Variants in ASPH observed in about 807,000 individuals in gnomAD.
ASPH encodes aspartyl/asparaginyl beta-hydroxylase.
A neutral mutation model predicts 118.4 loss-of-function variants in ASPH; 100 were observed. The observed-to-expected ratio is 0.84, with a 90% CI of 0.72 to 1.00. The LOEUF (loss-of-function observed/expected upper bound fraction) is 1.00. Ranked by LOEUF, ASPH falls within the 50% of genes least tolerant of loss-of-function variation. The pLI, the probability that ASPH is intolerant of heterozygous loss-of-function variation, is 0.00. For synonymous variants in ASPH, 315 were observed against 325.6 expected (o/e 0.97, Z 0.35); for missense variants, 920 against 919.5 (o/e 1.00, Z -0.01).
intron 14 of ASPH, among the ~76,000 whole-genome samples, chr8:61,614,480 G>A (rs1373216407): frequency 6.6e-6 from 1 of 152,142 alleles, no homozygotes; most frequent in African/African-American, 2.4e-5. Context: ...AGCTTTTAAA[G>A]GTTAGAGTGA....
intron 3 of ASPH, among the ~76,000 whole-genome samples, chr8:61,655,473 ACT>A (rs1813184431): frequency 1.3e-5 from 2 of 152,172 alleles, no homozygotes; most frequent in African/African-American, 2.4e-5. Flanking sequence ...CACTGACCCC[ACT>A]TTAGCAGGCT....
chr8:61,642,937 A>G lies in ASPH; in HGVS notation c.758-17T>C, dbSNP rs759609333. ...TTACATCATCTGAAAAAAAAAAGAG[A>G]ATAAAAGCAAAATAAGTATTAACTG... On this transcript the variant is annotated splice_polypyrimidine_tract_variant and intron_variant, in intron 9 of 24. Coordinates refer to ENST00000379454, the MANE Select transcript of ASPH (RefSeq NM_004318.4). The G allele has an allele frequency of 6.4e-6, 10 of 1,557,234 alleles. No individual in the cohort carries two copies. Among genetic ancestry groups the G allele is most frequent in the Non-Finnish European group, 7.8e-6 (9 of 1,157,622 alleles).
At chr8:61,543,824 A>C (rs1398968325) in intron 21 of ASPH, among the ~76,000 whole-genome samples, 1 of 152,064 alleles carries the variant, frequency 6.6e-6, no homozygotes, top group Non-Finnish European at 1.5e-5. Context: ...TTGTTTACTG[A>C]CTTTCTGGAT....
intron 13 of ASPH, among the ~76,000 whole-genome samples, chr8:61,622,937 A>T (rs1369953986): frequency 6.6e-6 from 1 of 152,212 alleles, no homozygotes; most frequent in Non-Finnish European, 1.5e-5. Context: ...TGGGGCTAAA[A>T]ACAACCTGTT....
intron 14 of ASPH, among the ~76,000 whole-genome samples, chr8:61,601,846 A>G (rs1844086036): frequency 6.6e-6 from 1 of 151,388 alleles, no homozygotes; most frequent in Admixed American, 6.6e-5. Context: ...TATTATAAAC[A>G]ATGTTATGTC....
intron 1 of ASPH, chr8:61,689,788 A>C (rs1832081631): frequency 6.7e-7 from 1 of 1,502,078 alleles, no homozygotes; most frequent in Non-Finnish European, 8.9e-7. Context: ...CACTGCATGC[A>C]CTTGCCTACC....
intron 13 of ASPH, among the ~76,000 whole-genome samples, chr8:61,623,292 G>C (rs1851611779): frequency 1.3e-5 from 2 of 152,154 alleles, no homozygotes; most frequent in African/African-American, 2.4e-5. Context: ...TTGCATTTCT[G>C]ATGATCAAGG....
chr8:61,690,829 G>T (rs1238890150), intron 1 of ASPH, among the ~76,000 whole-genome samples: 1 of 151,898 alleles, frequency 6.6e-6, no homozygotes, highest in African/African-American at 2.4e-5. Flanking sequence ...TGAAATTCTT[G>T]TTAAAAGGAT....
At chr8:61,682,868 T>C (rs1828812343) in intron 2 of ASPH, among the ~76,000 whole-genome samples, 1 of 152,026 alleles carries the variant, frequency 6.6e-6, no homozygotes, top group Non-Finnish European at 1.5e-5. Context: ...TAGACACAAG[T>C]GTGCATTTTT....
intron 3 of ASPH, among the ~76,000 whole-genome samples, chr8:61,662,424 T>C (rs532479208): frequency 1.3e-5 from 2 of 152,292 alleles, no homozygotes; most frequent in African/African-American, 4.8e-5. Flanking sequence ...TTTTGTCCCG[T>C]TGTAGCTGGC....
chr8:61,697,350 T>C (rs1834159755), intron 1 of ASPH, among the ~76,000 whole-genome samples: 1 of 152,158 alleles, frequency 6.6e-6, no homozygotes, highest in Admixed American at 6.5e-5. Context: ...CTAAAACATG[T>C]GGGGATTTCT....
At chr8:61,702,940 G>T (rs1563655209) in intron 1 of ASPH, among the ~76,000 whole-genome samples, 1 of 152,168 alleles carries the variant, frequency 6.6e-6, no homozygotes, top group African/African-American at 2.4e-5. Context: ...AGGAGAAGCA[G>T]GGGGAGAGGA....
At chr8:61,559,979 C>T (rs1829239458) in intron 18 of ASPH, among the ~76,000 whole-genome samples, 1 of 152,118 alleles carries the variant, frequency 6.6e-6, no homozygotes, top group African/African-American at 2.4e-5. Context: ...AAACCTGTCC[C>T]TGCTCAGGCA....
intron 13 of ASPH, chr8:61,624,777 T>C (rs1304913668): frequency 1.0e-6 from 1 of 985,750 alleles, no homozygotes; most frequent in African/African-American, 1.7e-5. Flanking sequence ...ATGTCACTCC[T>C]TAGTTTCCCT....
chr8:61,614,026 T>C (rs748495362), intron 14 of ASPH, among the ~76,000 whole-genome samples: 6 of 152,184 alleles, frequency 3.9e-5, no homozygotes, highest in African/African-American at 1.4e-4. Flanking sequence ...AATACAGCCA[T>C]CTCCACCTTT....
At position 61,616,512 on chromosome 8, in the gene ASPH, A is replaced by T. The variant is rs180758156; in HGVS notation, c.976+2466T>A. On this transcript the variant is annotated intron_variant, in intron 14 of 24. Transcript: ENST00000379454. ...CCAGAAGCAAACCAGTCAATGTGTA[A>T]ATGAGAAAGGGCTCTGTTTGGTACA... Among the ~76,000 whole-genome samples the T allele has an allele frequency of 1.4e-3, 218 of 152,322 alleles. 1 individual carries two copies. The highest frequency in any genetic ancestry group is 4.5e-3 in the African/African-American group (186 of 41,572).
chr8:61,686,170 CT>C (rs76533608), intron 1 of ASPH, among the ~76,000 whole-genome samples: 2 of 152,132 alleles, frequency 1.3e-5, no homozygotes, highest in East Asian at 3.8e-4. Context: ...TGGCCATCAA[CT>C]TTGTTTCTAA....
chr8:61,624,955 G>A, intron 13 of ASPH: 1 of 984,914 alleles, frequency 1.0e-6, no homozygotes, highest in Non-Finnish European at 1.2e-6. Flanking sequence ...TACCCATGCA[G>A]GACTCACTAC....
chr8:61,688,030 C>G (rs1208451252), intron 1 of ASPH, among the ~76,000 whole-genome samples: 1 of 152,228 alleles, frequency 6.6e-6, no homozygotes, highest in African/African-American at 2.4e-5. Flanking sequence ...GGTAAATATG[C>G]TGTGCCTAGT....
Sources: allele counts gnomAD v4.1 joint callset (sites outside exome capture counted in the v4.1 genomes callset), GRCh38; gene constraint gnomAD v4.1.1; transcripts MANE v1.5; gene names NCBI Gene and HGNC (gene_info 2026-07-23, HGNC 2026-07-21).